The following FANCA variants were observed in gnomAD, a reference collection of about 807,000 sequenced individuals.
The protein encoded by FANCA is FA complementation group A, also known as Fanconi anemia group A protein.
Under a neutral mutation model 194.3 loss-of-function variants are expected in FANCA, and 236 were observed. The observed-to-expected ratio is 1.21, with a 90% CI of 1.09 to 1.35. The LOEUF (loss-of-function observed/expected upper bound fraction) is 1.35, where lower values mean the gene tolerates loss of function less well. Ranked by LOEUF, FANCA falls within the 40% of genes most tolerant of loss-of-function variation. The pLI, the probability that FANCA is intolerant of heterozygous loss-of-function variation, is 0.00. For synonymous variants in FANCA, 1,014 were observed against 715.8 expected, an observed-to-expected ratio of 1.42 and a Z score of -6.65; for missense variants, 2,628 against 1,813.9, an observed-to-expected ratio of 1.45 and a Z score of -8.15.
At chr16:89,806,989 C>A (rs1330349048) in intron 6 of FANCA, among the ~76,000 whole-genome samples, 1 of 152,126 alleles carries the variant, frequency 6.6e-6, no homozygotes, top group Non-Finnish European at 1.5e-5. Context: ...CTGACTCCCC[C>A]ACCTCCCTCC....
At chr16:89,772,043 T>G (rs368052402) in intron 22 of FANCA, among the ~76,000 whole-genome samples, 7 of 152,274 alleles carry the variant, frequency 4.6e-5, no homozygotes, top group African/African-American at 1.7e-4. Flanking sequence ...CACTACCTTT[T>G]CCTGATTGGC....
At chr16:89,769,066 C>A (rs1479850067) in intron 26 of FANCA, among the ~76,000 whole-genome samples, 1 of 152,226 alleles carries the variant, frequency 6.6e-6, no homozygotes, top group Non-Finnish European at 1.5e-5. Flanking sequence ...CTGACTCCCT[C>A]TCCTTGCTCC....
In FANCA at chr16:89,738,006, G is replaced by A. The variant is rs759685733; in HGVS notation, c.*595C>T. 1.9e-6 allele frequency: 3 copies of A among 1,614,168 alleles called. No individual in the cohort carries two copies. The Admixed American group carries it at 5.0e-5, about 27-fold the overall frequency. The stretch of plus-strand genomic sequence containing the variant: ...AGGTCTGTGGGTTCCAGTGCAGGCA[G>A]CGGGCATCCCTCAAGTACCACATGA... On this transcript the variant is annotated 3_prime_UTR_variant, in exon 43 of 43. Transcript: ENST00000389301.
chr16:89,758,484 AG>A, intron 30 of FANCA, 92 bp downstream of exon 30: 1 of 1,498,378 alleles, frequency 6.7e-7, no homozygotes, highest in Admixed American at 1.7e-5. Flanking sequence ...TAAGCTAATT[AG>A]ATGGGCACCA....
In FANCA at chr16:89,807,184, C is replaced by CTT. The variant is rs1011419652; in HGVS notation, c.596+1108_596+1109dup. On this transcript the variant is annotated intron_variant, in intron 6 of 42. Coordinates refer to ENST00000389301, the MANE Select transcript of FANCA (RefSeq NM_000135.4). ...TGTATATCCTAGGAAGCAGGTTTTTCTTTTTTTTTTTTTTTTTGAGATGAA... is the reference window on the plus strand; with the variant it reads ...TGTATATCCTAGGAAGCAGGTTTTTCTTTTTTTTTTTTTTTTTTTGAGATGAA... Among the ~76,000 whole-genome samples, 64 of 134,372 alleles carry CTT rather than the reference C, an allele frequency of 4.8e-4. No individual in the cohort carries two copies. The South Asian group carries it at 5.3e-3, about 11-fold the overall frequency. The allele number at this position is 134,372 out of a possible 152,430, so 88.2% of individuals were successfully genotyped here. A position where few individuals can be genotyped will look rare whatever the true frequency, so the allele number is the denominator to read the frequency against.
intron 17 of FANCA, among the ~76,000 whole-genome samples, chr16:89,781,766 G>C (rs1330897895): frequency 6.9e-6 from 1 of 145,588 alleles, no homozygotes; most frequent in Non-Finnish European, 1.5e-5. Context: ...TTGAGAGGCC[G>C]AGACGGGCGG....
chr16:89,767,827 C>T (rs1369728917), intron 26 of FANCA, among the ~76,000 whole-genome samples: 7 of 152,146 alleles, frequency 4.6e-5, no homozygotes, highest in African/African-American at 1.7e-4. Context: ...GGCTTACAGG[C>T]ATGAGTCACT....
chr16:89,784,818 C>T (rs2039842860), intron 15 of FANCA, 36 bp downstream of exon 15: 2 of 1,512,458 alleles, frequency 1.3e-6, no homozygotes, highest in African/African-American at 1.4e-5. Flanking sequence ...GTGAGCGAAG[C>T]ACCAGAAATC....
intron 17 of FANCA, among the ~76,000 whole-genome samples, chr16:89,781,654 C>A (rs565280103): frequency 1.4e-5 from 2 of 142,562 alleles, no homozygotes; most frequent in East Asian, 2.0e-4. Context: ...CCAGCCAGGG[C>A]GACAGAGCGA....
At chr16:89,766,511 A>T (rs1036129567) in intron 27 of FANCA, among the ~76,000 whole-genome samples, 2 of 151,610 alleles carry the variant, frequency 1.3e-5, no homozygotes, top group African/African-American at 4.8e-5. Context: ...GGAGTTCGAA[A>T]ACAGCCTGGC....
At chr16:89,806,718 GAACA>G (rs2040662565) in intron 6 of FANCA, among the ~76,000 whole-genome samples, 1 of 152,204 alleles carries the variant, frequency 6.6e-6, no homozygotes, top group Admixed American at 6.5e-5. Context: ...TCTTAGTACA[GAACA>G]AAATGAAAAG....
At chr16:89,750,473 A>G (rs1034931900) in intron 31 of FANCA, among the ~76,000 whole-genome samples, 11 of 136,056 alleles carry the variant, frequency 8.1e-5, no homozygotes, top group African/African-American at 2.9e-4. Context: ...ACAGAGTGAG[A>G]CTCCGTCTCA....
chr16:89,799,702 C>G, intron 8 of FANCA, 64 bp from the exon 9 acceptor site: 1 of 1,319,782 alleles, frequency 7.6e-7, no homozygotes, highest in Non-Finnish European at 1.1e-6. Flanking sequence ...ATACCTGCAT[C>G]ACACAAGAGA....
chr16:89,771,574 G>T (rs2039326955), intron 23 of FANCA, 104 bp downstream of exon 23: 8 of 1,360,564 alleles, frequency 5.9e-6, no homozygotes, highest in Non-Finnish European at 8.3e-6. Flanking sequence ...GACACTAACT[G>T]AGCAAGTCAA....
intron 5 of FANCA, among the ~76,000 whole-genome samples, chr16:89,809,745 C>T (rs1369971473): frequency 6.6e-6 from 1 of 151,528 alleles, no homozygotes; most frequent in East Asian, 1.9e-4. Flanking sequence ...CCCAGCTACT[C>T]GGGAGGCTGA....
intron 28 of FANCA, among the ~76,000 whole-genome samples, chr16:89,763,470 C>G (rs939113345): frequency 7.9e-5 from 12 of 151,946 alleles, no homozygotes; most frequent in African/African-American, 2.9e-4. Flanking sequence ...GCCACTGTGC[C>G]CAGCCACCTT....
intron 36 of FANCA, 113 bp from the exon 37 acceptor site, chr16:89,743,051 G>T: frequency 7.9e-7 from 1 of 1,268,052 alleles, no homozygotes; most frequent in Non-Finnish European, 1.1e-6. Context: ...TCCATCAGAG[G>T]ACAGAGAAGG....
intron 17 of FANCA, among the ~76,000 whole-genome samples, chr16:89,782,416 C>A (rs2039750112): frequency 6.6e-6 from 1 of 151,394 alleles, no homozygotes; most frequent in African/African-American, 2.4e-5. Flanking sequence ...GAGGCTGAGG[C>A]AGGAGAATGG....
intron 12 of FANCA, 63 bp from the exon 13 acceptor site, chr16:89,792,131 T>G: frequency 6.2e-7 from 1 of 1,601,358 alleles, no homozygotes. Flanking sequence ...AGATGACCCC[T>G]CACCTTCCTC....
Sources: gnomAD v4.1 joint callset for allele counts (sites outside exome capture counted in the v4.1 genomes callset) on GRCh38, gnomAD v4.1.1 for gene constraint, MANE v1.5 for transcripts, NCBI Gene and HGNC (gene_info 2026-07-23, HGNC 2026-07-21) for gene names.